The following PHF23 variants were observed in gnomAD, a reference collection of about 807,000 sequenced individuals.
The protein encoded by PHF23 is PDH-containing protein JUNE-1.
PHF23 carries 3 observed loss-of-function variants against 36.0 expected under a neutral mutation model. The observed-to-expected ratio is 0.08, with a 90% CI of 0.04 to 0.22. PHF23 has a LOEUF of 0.22. Among genes scored for constraint, PHF23 ranks in the 10% least tolerant of loss-of-function variants. PHF23 has a pLI of 1.00. For synonymous variants in PHF23, 242 were observed against 192.5 expected, an observed-to-expected ratio of 1.26 and a Z score of -2.13; for missense variants, 475 against 513.6, an observed-to-expected ratio of 0.92 and a Z score of 0.73.
In PHF23 at chr17:7,236,727, C is replaced by G; in HGVS notation, c.200G>C (p.Arg67Pro). 4 of 1,613,720 alleles carry G rather than the reference C, an allele frequency of 2.5e-6. No homozygotes were observed. In the South Asian group the frequency reaches 4.4e-5, roughly 18 times the overall value. ...WPASGSSSPL[R>P]GESAADSDGW... ...ATCACTGTCGGCCGCACTCTCTCCTCGCAATGGAGAGCTGGAGCCAGAGGC... is the reference window on the plus strand; with the variant it reads ...ATCACTGTCGGCCGCACTCTCTCCTGGCAATGGAGAGCTGGAGCCAGAGGC... Residue 67 changes from arginine (R) to proline (P), a missense_variant, in exon 4 of 5, where the codon CGA (arginine) becomes CCA (proline). Physicochemically the swap from Arg to Pro is moderately radical, Grantham distance 103. Coordinates refer to ENST00000320316, the MANE Select transcript of PHF23 (RefSeq NM_024297.3). The surrounding 1 kb of genome is among the most constrained non-coding windows in gnomAD (Gnocchi z 5.1).
At chr17:7,240,552 C>T (rs1057252143), upstream of PHF23, 1 of 292,872 alleles carries the variant, frequency 3.4e-6, no homozygotes, top group East Asian at 7.5e-5. Context: ...CTTGGGCAGT[C>T]AGAAAGGGAA....
chr17:7,238,645 C>A, intron 1 of PHF23: 2 of 669,760 alleles, frequency 3.0e-6, no homozygotes, highest in Non-Finnish European at 3.4e-6. Flanking sequence ...TTAACCCCCC[C>A]CACCCCGCCC....
chr17:7,237,699 CA>C, intron 1 of PHF23, 39 bp from the exon 2 acceptor site: 4 of 1,610,782 alleles, frequency 2.5e-6, no homozygotes, highest in Non-Finnish European at 3.4e-6. Context: ...ACACTAGGAA[CA>C]ATCTGTGTAA....
chr17:7,237,814 CCCCTT>C (rs1396485227), intron 1 of PHF23, 154 bp from the exon 2 acceptor site: 17 of 827,110 alleles, frequency 2.1e-5, no homozygotes, highest in Non-Finnish European at 2.8e-5. Flanking sequence ...GCCCCGGCTC[CCCCTT>C]CCGCCCCGCG....
intron 1 of PHF23, chr17:7,238,493 C>T: frequency 1.1e-6 from 1 of 884,334 alleles, no homozygotes; most frequent in South Asian, 3.4e-5. Context: ...AACTCTGGCC[C>T]CTTCCCCCCA....
chr17:7,237,796 T>C, intron 1 of PHF23, 136 bp from the exon 2 acceptor site: 1 of 1,029,636 alleles, frequency 9.7e-7, no homozygotes, highest in Non-Finnish European at 1.5e-6. Flanking sequence ...CCCAGCTGTG[T>C]TGGATCCGCC....
rs1172572132 is a variant in PHF23 at position 7,239,326 on chromosome 17, G to T, written c.-47C>A. On this transcript the variant is annotated 5_prime_UTR_variant, in exon 1 of 5. Coordinates refer to ENST00000320316, the MANE Select transcript of PHF23 (RefSeq NM_024297.3). ...TCCGGCGCCCCCCTCCCCGGAGCCG[G>T]GGATCCCGGTGCCGCCTCTAGTGCT... 9.8e-7 allele frequency: 1 copy of T among 1,015,678 alleles called. No homozygotes were observed. Among genetic ancestry groups the T allele is most frequent in the Admixed American group, 1.9e-5 (1 of 52,354 alleles). 62.9% of individuals were successfully genotyped at this position (1,015,678 alleles called of 1,614,324 possible). A position where few individuals can be genotyped will look rare whatever the true frequency, so the allele number is the denominator to read the frequency against.
In PHF23 at chr17:7,235,985, G is replaced by A. The variant is rs200529494; in HGVS notation, c.942C>T (p.Ala314=). The change falls in exon 4 of 5, where the codon GCC becomes GCT. Residue 314 remains alanine, a synonymous_variant. Transcript: ENST00000320316. ...CCCGCATCTCGCCTTCACTGGAGCT[G>A]GCATCTCCATCTTGGCTTGTTTCAG... The part of the protein sequence containing the change: ...GSTETSQDGD[A]SSSEGEMRVM... 7.2e-4 allele frequency: 1,155 copies of A among 1,613,550 alleles called. 11 individuals carry two copies. In the African/African-American group the frequency reaches 0.014, roughly 19 times the overall value.
chr17:7,236,365 A>G lies in PHF23; in HGVS notation c.562T>C (p.Leu188=), dbSNP rs754714350. ...AAGCCAGCCCCAGCTCCTGGCCCCAACTTTCGGTTCTTTCGGTCCTTCTTT... is the reference window on the plus strand; with the variant it reads ...AAGCCAGCCCCAGCTCCTGGCCCCAGCTTTCGGTTCTTTCGGTCCTTCTTT... ...PRKKDRKNRK[L]GPGAGAGFGV... Residue 188 remains leucine, a synonymous_variant, in exon 4 of 5, where the codon TTG becomes CTG. Coordinates refer to ENST00000320316, the MANE Select transcript of PHF23 (RefSeq NM_024297.3). The surrounding 1 kb of genome is among the most constrained non-coding windows in gnomAD (Gnocchi z 5.1). 2 of 1,613,854 alleles carry G rather than the reference A, an allele frequency of 1.2e-6. No homozygotes were observed. Among genetic ancestry groups the G allele is most frequent in the South Asian group, 1.1e-5 (1 of 91,078 alleles).
At chr17:7,239,120 G>A (rs2071742422) in intron 1 of PHF23, 126 bp downstream of exon 1, 3 of 1,029,950 alleles carry the variant, frequency 2.9e-6, no homozygotes, top group Non-Finnish European at 4.3e-6. Flanking sequence ...CCCACCTCCA[G>A]GGCCAGCCTC....
chr17:7,239,144 C>T, intron 1 of PHF23, 102 bp downstream of exon 1: 2 of 1,034,552 alleles, frequency 1.9e-6, no homozygotes. Flanking sequence ...ACCCCCTCCC[C>T]GAACTCCCCC....
chr17:7,238,638 A>ACCCC, intron 1 of PHF23: 2 of 339,118 alleles, frequency 5.9e-6, no homozygotes, highest in Non-Finnish European at 3.3e-6. Flanking sequence ...GCCGGTCTTA[A>ACCCC]CCCCCCCCAC....
intron 1 of PHF23, 67 bp downstream of exon 1, chr17:7,239,179 A>C: frequency 8.5e-7 from 1 of 1,174,320 alleles, no homozygotes; most frequent in Non-Finnish European, 1.2e-6. Flanking sequence ...CTCGACCTCC[A>C]AGTTTGCCAA....
chr17:7,238,160 C>G (rs1238121504), intron 1 of PHF23: 1 of 165,454 alleles, frequency 6.0e-6, no homozygotes, highest in African/African-American at 2.5e-5. Flanking sequence ...CCGGCCCCTT[C>G]TACTCGAGCA....
chr17:7,237,575 C>T (rs749574011), intron 2 of PHF23, 54 bp downstream of exon 2: 628 of 1,605,748 alleles, frequency 3.9e-4, no homozygotes, highest in Non-Finnish European at 4.9e-4. Context: ...AAAAGGGGGG[C>T]GGGGGGCGTT....
chr17:7,239,252 G>T lies in PHF23; in HGVS notation c.28C>A (p.Pro10Thr). 2 of 1,546,462 alleles carry T rather than the reference G, an allele frequency of 1.3e-6. No homozygotes were observed. Among genetic ancestry groups the T allele is most frequent in the Non-Finnish European group, 1.8e-6 (2 of 1,130,940 alleles). MLEAMAEPSPEDPPPTLKPE... is the reference protein window; with the variant it reads MLEAMAEPSTEDPPPTLKPE... Reference sequence around the variant, plus strand: ...GCACCGGTCGAGAGCTCACCTTCGGGACTGGGCTCCGCCATGGCTTCCAGC... The same window carrying T: ...GCACCGGTCGAGAGCTCACCTTCGGTACTGGGCTCCGCCATGGCTTCCAGC... Residue 10 changes from proline to threonine, a missense_variant, in exon 1 of 5, where the codon CCC (proline) becomes ACC (threonine). By Grantham distance (38) the Pro-to-Thr change is conservative (BLOSUM62 -1). Around this residue, in one of 5 missense-constraint regions of PHF23, gnomAD observed 54 missense variants for 42.0 expected, o/e 1.28. Transcript: ENST00000320316.
rs192183202 is a variant in PHF23, at chr17:7,235,183, A to T, written c.*443T>A. 3 of 210,444 alleles carry T rather than the reference A, an allele frequency of 1.4e-5. No homozygotes were observed. In the Admixed American group the frequency reaches 1.6e-4, roughly 11 times the overall value. 13.0% of individuals were successfully genotyped at this position (210,444 alleles called of 1,614,324 possible). A position where few individuals can be genotyped will look rare whatever the true frequency, so the allele number is the denominator to read the frequency against. ...GCCAGGCTCTAGTACTCCACCTTTG[A>T]GCTGCCATGCCCAATAGGGGAAGTC... On this transcript the variant is annotated 3_prime_UTR_variant, in exon 5 of 5. Coordinates refer to ENST00000320316, the MANE Select transcript of PHF23 (RefSeq NM_024297.3).
At position 7,235,260 on chromosome 17, in the gene PHF23, GAAGAA is replaced by G. The variant is rs1256804078; in HGVS notation, c.*361_*365del. The G allele has an allele frequency of 3.7e-6, 1 of 272,878 alleles. No individual in the cohort carries two copies. Among genetic ancestry groups the G allele is most frequent in the Non-Finnish European group, 7.2e-6 (1 of 139,588 alleles). 16.9% of individuals were successfully genotyped at this position (272,878 alleles called of 1,614,324 possible). ...AAGAAAATAAATGGGGAGTGAAATA[GAAGAA>G]AAGATGAGGGAGGGGAGTGCTAATA... is the stretch of plus-strand genomic sequence containing the variant. On this transcript the variant is annotated 3_prime_UTR_variant, in exon 5 of 5. Coordinates refer to ENST00000320316, the MANE Select transcript of PHF23 (RefSeq NM_024297.3).
intron 1 of PHF23, chr17:7,238,742 G>C: frequency 6.6e-7 from 1 of 1,524,238 alleles, no homozygotes; most frequent in Non-Finnish European, 8.7e-7. Context: ...GTCTGCCGTA[G>C]ACAATACCCA....
Sources: allele counts gnomAD v4.1 joint callset, GRCh38; gene constraint gnomAD v4.1.1; regional missense constraint gnomAD v4.1.1; non-coding constraint Gnocchi (gnomAD v3.1); transcripts MANE v1.5; gene names NCBI Gene and HGNC (gene_info 2026-07-23, HGNC 2026-07-21).